The following TP63 variants were observed in gnomAD, a reference collection of about 807,000 sequenced individuals.
TP63 encodes the protein tumor protein 63.
In TP63, 17 loss-of-function variants were observed where a neutral mutation model predicts 82.8. The ratio of observed to expected loss-of-function variants is 0.21; its 90% CI spans 0.14 to 0.31. The LOEUF (loss-of-function observed/expected upper bound fraction) is 0.31. Among genes scored for constraint, TP63 ranks in the 10% least tolerant of loss-of-function variants. The pLI, the probability that TP63 is intolerant of heterozygous loss-of-function variation, is 1.00. For synonymous variants in TP63, 330 were observed against 321.7 expected, an observed-to-expected ratio of 1.03 and a Z score of -0.28; for missense variants, 648 against 895.3, an observed-to-expected ratio of 0.72 and a Z score of 3.52.
intron 1 of TP63, among the ~76,000 whole-genome samples, chr3:189,708,194 C>T (rs1236818122): frequency 6.6e-6 from 1 of 152,164 alleles, no homozygotes; most frequent in East Asian, 1.9e-4. Flanking sequence ...GGTTTACTAA[C>T]ATTGAATTCA....
chr3:189,637,864 C>T (rs191513572), intron 1 of TP63, among the ~76,000 whole-genome samples: 26 of 152,218 alleles, frequency 1.7e-4, no homozygotes, highest in Admixed American at 1.4e-3. Context: ...GGTGGAATAA[C>T]TCGTATTATC....
chr3:189,790,846 C>T (rs988777333), intron 3 of TP63, among the ~76,000 whole-genome samples: 2 of 152,176 alleles, frequency 1.3e-5, no homozygotes, highest in South Asian at 2.1e-4. Flanking sequence ...CATAGTATTC[C>T]GGTGCAGACC....
chr3:189,735,254 T>C (rs1002423546), intron 1 of TP63, among the ~76,000 whole-genome samples: 1 of 152,252 alleles, frequency 6.6e-6, no homozygotes, highest in Non-Finnish European at 1.5e-5. Context: ...GCACCTATTC[T>C]GCACAGGTCG....
In TP63 at chr3:189,880,745, G is replaced by A. The variant is rs535404593; in HGVS notation, c.1350-5649G>A. The stretch of plus-strand genomic sequence containing the variant: ...GTCAAGTGTACTGCTGGGCAGCGAG[G>A]TGATCATTACCAAAAGTAATCAACT... On this transcript the variant is annotated intron_variant, in intron 10 of 13. Coordinates refer to ENST00000264731, the MANE Select transcript of TP63 (RefSeq NM_003722.5). The A allele has an allele frequency of 1.3e-3, 1,299 of 985,434 alleles. 1 individual carries two copies. The highest frequency in any genetic ancestry group is 1.8e-3 in the Admixed American group (29 of 16,290). 61.0% of individuals were successfully genotyped at this position (985,434 alleles called of 1,614,324 possible).
Position 189,631,535 on chromosome 3 carries a change from G to T in TP63, c.20G>T (p.Arg7Leu), listed in dbSNP as rs568702479. The part of the protein sequence containing the change: MNFETS[R>L]CATLQYCPDP... ...AAGGAAATGAATTTTGAAACTTCAC[G>T]GTGTGCCACCCTACAGTACTGCCCT... The change falls in exon 1 of 14, where the codon CGG becomes CTG. Residue 7 changes from arginine to leucine, a missense_variant. This residue lies in a region of TP63 where 182 missense variants were observed against 213.6 expected (regional missense o/e 0.85). Coordinates refer to ENST00000264731, the MANE Select transcript of TP63 (RefSeq NM_003722.5). The T allele has an allele frequency of 1.2e-4, 200 of 1,612,730 alleles. 3 individuals are homozygous for T. In the South Asian group the frequency reaches 1.9e-3, roughly 15 times the overall value.
chr3:189,888,789 C>G (rs899674392), intron 11 of TP63, among the ~76,000 whole-genome samples: 1 of 152,206 alleles, frequency 6.6e-6, no homozygotes, highest in Non-Finnish European at 1.5e-5. Context: ...ATTGTATCAT[C>G]ATTTATTAGG....
intron 10 of TP63, among the ~76,000 whole-genome samples, chr3:189,876,496 A>G (rs939654251): frequency 1.3e-5 from 2 of 152,238 alleles, no homozygotes; most frequent in South Asian, 4.1e-4. Flanking sequence ...ACAGATAGAT[A>G]GTAAAGAACT....
chr3:189,810,859 C>CAAAAAAAAAA (rs11474103), intron 4 of TP63, among the ~76,000 whole-genome samples: 1 of 120,228 alleles, frequency 8.3e-6, no homozygotes, highest in Non-Finnish European at 1.7e-5. Flanking sequence ...AGTCCGTCTC[C>CAAAAAAAAAA]AAAAAAAAAA....
At position 189,858,046 on chromosome 3, in the gene TP63, A is replaced by C. The variant is rs1716509307; in HGVS notation, c.580-6186A>C. On this transcript the variant is annotated intron_variant, in intron 4 of 13. Transcript: ENST00000264731. Reference sequence around the variant, plus strand: ...TATCTTCACTCCTGTTTATTGCAGCACTATTTGCAATAGCCAAGATATGCA... The same window carrying C: ...TATCTTCACTCCTGTTTATTGCAGCCCTATTTGCAATAGCCAAGATATGCA... Among the ~76,000 whole-genome samples, 6 of 152,368 alleles carry C rather than the reference A, an allele frequency of 3.9e-5. No individual in the cohort carries two copies. In the South Asian group the frequency reaches 1.2e-3, roughly 32 times the overall value.
intron 3 of TP63, among the ~76,000 whole-genome samples, chr3:189,800,675 A>G (rs1231336748): frequency 6.6e-6 from 1 of 152,008 alleles, no homozygotes; most frequent in Non-Finnish European, 1.5e-5. Context: ...TGGGCGAGTT[A>G]CTTAACCTTG....
In TP63 at chr3:189,765,421, T is replaced by A. The variant is rs187563296; in HGVS notation, c.324+26647T>A. ...TTTTCAATTTGGGGCTTTGTAAATA[T>A]CCTGTCCTCTGCTTTTTTTTTTTTT... On this transcript the variant is annotated intron_variant, in intron 3 of 13. Transcript: ENST00000264731. Among the ~76,000 whole-genome samples, 319 of 145,380 alleles carry A rather than the reference T, an allele frequency of 2.2e-3. 5 individuals are homozygous for A. Among genetic ancestry groups the A allele is most frequent in the Non-Finnish European group, 3.4e-3 (230 of 66,754 alleles).
chr3:189,864,279 C>T lies in TP63; in HGVS notation c.627C>T (p.Cys209=). Residue 209 remains cysteine, a synonymous_variant, in exon 5 of 14, where the codon TGC becomes TGT. Transcript: ENST00000264731. The part of the protein sequence containing the change: ...KKLYCQIAKT[C]PIQIKVMTPP... ...TCTACTGCCAAATTGCAAAGACATG[C>T]CCCATCCAGATCAAGGTGATGACCC... 6.2e-7 allele frequency: 1 copy of T among 1,614,180 alleles called. No homozygotes were observed. The highest frequency in any genetic ancestry group is 1.1e-5 in the South Asian group (1 of 91,084).
chr3:189,887,856 GTT>G (rs397874442), intron 11 of TP63, among the ~76,000 whole-genome samples: 1 of 125,624 alleles, frequency 8.0e-6, no homozygotes, highest in Admixed American at 8.1e-5. Context: ...CATTGTTTTG[GTT>G]TTTTTTTTTT....
At position 189,705,166 on chromosome 3, in the gene TP63, A is replaced by G. The variant is rs147348532; in HGVS notation, c.63-32574A>G. ...ATGCTCAAGCTATCTGAGAAGCTGT[A>G]TAGTGCAGACTCAAGAGCTTAGATG... On this transcript the variant is annotated intron_variant, in intron 1 of 13. Transcript: ENST00000264731. 1.2e-3 allele frequency among the ~76,000 whole-genome samples: 181 copies of G among 152,356 alleles called. 1 individual carries two copies. The highest frequency in any genetic ancestry group is 1.3e-3 in the Non-Finnish European group (89 of 68,034).
intron 1 of TP63, among the ~76,000 whole-genome samples, chr3:189,646,920 T>G (rs1320153230): frequency 6.8e-6 from 1 of 147,120 alleles, no homozygotes; most frequent in Non-Finnish European, 1.5e-5. Context: ...GGGTCTGAAA[T>G]AGGCTTTTCC....
At chr3:189,603,743 A>G in the TP63 span, among the ~76,000 whole-genome samples, 1 of 149,206 alleles carries the variant, frequency 6.7e-6, no homozygotes, top group East Asian at 2.0e-4. Context: ...TTTCACCTAT[A>G]TAGTTTTACC....
intron 1 of TP63, among the ~76,000 whole-genome samples, chr3:189,636,670 T>A (rs1268842927): frequency 6.6e-6 from 1 of 152,066 alleles, no homozygotes; most frequent in Non-Finnish European, 1.5e-5. Context: ...TATTAAACAT[T>A]GAGATAAATG....
chr3:189,884,932 G>A (rs1360437807), intron 10 of TP63, among the ~76,000 whole-genome samples: 1 of 152,210 alleles, frequency 6.6e-6, no homozygotes, highest in Non-Finnish European at 1.5e-5. Context: ...CCATCCCTAC[G>A]ATTGCAGCAC....
rs145404410 is a variant in TP63 at position 189,865,512 on chromosome 3, C to T, written c.766+1094C>T. ...AAGAGCAGGATAAAGCATAAGCAAT[C>T]CTCAAAGAGTATTGAGGGTGCCAAA... On this transcript the variant is annotated intron_variant, in intron 5 of 13. Coordinates refer to ENST00000264731, the MANE Select transcript of TP63 (RefSeq NM_003722.5). 2.8e-3 allele frequency among the ~76,000 whole-genome samples: 419 copies of T among 152,130 alleles called. 3 individuals are homozygous for T. The highest frequency in any genetic ancestry group is 9.7e-3 in the African/African-American group (401 of 41,524).
Sources: allele counts gnomAD v4.1 joint callset (sites outside exome capture counted in the v4.1 genomes callset), GRCh38; gene constraint gnomAD v4.1.1; regional missense constraint gnomAD v4.1.1; transcripts MANE v1.5; gene names NCBI Gene and HGNC (gene_info 2026-07-23, HGNC 2026-07-21).